Variants in DMD observed in about 807,000 individuals in gnomAD.
DMD encodes dystrophin.
Under a neutral mutation model 330.1 loss-of-function variants are expected in DMD, and 63 were observed. The ratio of observed to expected loss-of-function variants is 0.19; its 90% CI spans 0.16 to 0.24. The LOEUF (loss-of-function observed/expected upper bound fraction) is 0.24. Among genes scored for constraint, DMD ranks in the 10% least tolerant of loss-of-function variants. The pLI is 1.00. For missense variants in DMD, 3,344 were observed against 2,684.1 expected (o/e 1.25, Z -5.43); for synonymous variants, 1,223 against 959.8 (o/e 1.27, Z -5.07).
At chrX:32,769,860 A>T (rs2073414489) in intron 7 of DMD, among the ~76,000 whole-genome samples, 1 of 111,336 alleles carries the variant, frequency 9.0e-6, no homozygotes, top group Non-Finnish European at 1.9e-5. Context: ...ATGACATTTT[A>T]TCTTTGAAAT....
chrX:31,880,154 A>G (rs1397711399), intron 47 of DMD, among the ~76,000 whole-genome samples: 3 of 112,406 alleles, frequency 2.7e-5, no homozygotes, highest in Non-Finnish European at 5.6e-5. Context: ...ACATATTAAG[A>G]TGGATTTCAT....
chrX:33,259,850 T>C (rs891490999), intron 1 of DMD, among the ~76,000 whole-genome samples: 3 of 110,042 alleles, frequency 2.7e-5, no homozygotes, highest in East Asian at 2.9e-4. Context: ...CTTAGTAATA[T>C]GCACTTACAG....
At chrX:31,842,865 G>A (rs1324543163) in intron 48 of DMD, among the ~76,000 whole-genome samples, 1 of 110,997 alleles carries the variant, frequency 9.0e-6, no homozygotes, top group Non-Finnish European at 1.9e-5. Context: ...TTCAACTCTT[G>A]CCCCTTCCTT....
intron 4 of DMD, among the ~76,000 whole-genome samples, chrX:32,843,167 T>A (rs2080326558): frequency 8.9e-6 from 1 of 111,846 alleles, no homozygotes; most frequent in Non-Finnish European, 1.9e-5. Flanking sequence ...TTTGTTTTTT[T>A]AAATGACATT....
At chrX:32,493,870 T>C (rs1231496283) in intron 19 of DMD, among the ~76,000 whole-genome samples, 1 of 110,770 alleles carries the variant, frequency 9.0e-6, no homozygotes, top group Non-Finnish European at 1.9e-5. Context: ...CCATGAAGGG[T>C]GAAACGTCAA....
At chrX:33,249,729 G>A (rs948956516) in intron 1 of DMD, among the ~76,000 whole-genome samples, 2 of 110,824 alleles carry the variant, frequency 1.8e-5, no homozygotes, top group African/African-American at 6.6e-5. Context: ...CCCAAATGAA[G>A]TAACACAGTT....
At chrX:33,149,045 T>TG (rs748644504) in intron 1 of DMD, among the ~76,000 whole-genome samples, 75 of 109,972 alleles carry the variant, frequency 6.8e-4, no homozygotes, top group African/African-American at 2.2e-3. Context: ...CTGGGGTTAG[T>TG]GGGGGGGAGG....
chrX:32,628,258 ATTTTTTTTTTTTTTTTT>A lies in DMD; in HGVS notation c.1332-13822_1332-13806del, dbSNP rs1170760390. On this transcript the variant is annotated intron_variant, in intron 11 of 78. Coordinates refer to ENST00000357033, the MANE Select transcript of DMD (RefSeq NM_004006.3). ...TATCTCCATGAGTTCAGTTGTTTTA[ATTTTTTTTTTTTTTTTT>A]TTTTTTTTTTTTTTTTTTTTAAGCT... is the stretch of plus-strand genomic sequence containing the variant. Among the ~76,000 whole-genome samples, 54 of 15,355 alleles carry A rather than the reference ATTTTTTTTTTTTTTTTT, an allele frequency of 3.5e-3. 1 individual carries two copies. The highest frequency in any genetic ancestry group is 8.2e-3 in the South Asian group (2 of 243). The allele number at this position is 15,355 out of a possible 115,157, so 13.3% of individuals were successfully genotyped here. A position where few individuals can be genotyped will look rare whatever the true frequency, so the allele number is the denominator to read the frequency against.
intron 47 of DMD, among the ~76,000 whole-genome samples, chrX:31,907,188 C>T (rs1300747843): frequency 9.0e-6 from 1 of 111,208 alleles, no homozygotes; most frequent in African/African-American, 3.3e-5. Context: ...GATTCCAGGA[C>T]ACATCAACAG....
At chrX:32,567,860 ATTT>A (rs200845285) in intron 15 of DMD, among the ~76,000 whole-genome samples, 6 of 111,566 alleles carry the variant, frequency 5.4e-5, no homozygotes, top group African/African-American at 2.0e-4. Flanking sequence ...TTATAGTGTC[ATTT>A]TTTTTCTTTA....
intron 49 of DMD, among the ~76,000 whole-genome samples, chrX:31,826,331 A>G (rs1350474): frequency 0.38 from 41,753 of 111,146 alleles, 5,911 homozygotes; most frequent in African/African-American, 0.51. Context: ...TCAGAACTGT[A>G]TAATTTCCAA....
In DMD at chrX:32,411,258, G is replaced by A. The variant is rs780588715; in HGVS notation, c.4233+494C>T. Among the ~76,000 whole-genome samples, 7 of 111,136 alleles carry A rather than the reference G, an allele frequency of 6.3e-5. No homozygotes were observed. The South Asian group carries it at 2.7e-3, about 42-fold the overall frequency. On this transcript the variant is annotated intron_variant, in intron 30 of 78. Coordinates refer to ENST00000357033, the MANE Select transcript of DMD (RefSeq NM_004006.3). ...TGATTCTCCTGCCTCAGCCTCCCGA[G>A]TAGCTGGGATTACAGGCGCGTGCCA...
At chrX:31,958,712 A>T (rs1218531609) in intron 45 of DMD, among the ~76,000 whole-genome samples, 1 of 111,899 alleles carries the variant, frequency 8.9e-6, no homozygotes, top group African/African-American at 3.3e-5. Flanking sequence ...AAGGTACCTT[A>T]TTGAGAAGCA....
chrX:32,898,825 C>T (rs1347447739), intron 2 of DMD, among the ~76,000 whole-genome samples: 5 of 111,174 alleles, frequency 4.5e-5, no homozygotes, highest in Non-Finnish European at 9.4e-5. Context: ...TTCACTTTAT[C>T]CTCTGGGAAT....
At chrX:31,996,024 C>T (rs1049714989) in intron 44 of DMD, among the ~76,000 whole-genome samples, 1 of 112,113 alleles carries the variant, frequency 8.9e-6, no homozygotes, top group African/African-American at 3.2e-5. Context: ...CAAAAAAGGG[C>T]TCTAAGTCCC....
intron 48 of DMD, among the ~76,000 whole-genome samples, chrX:31,843,914 C>T (rs753626491): frequency 1.3e-4 from 12 of 89,232 alleles, no homozygotes; most frequent in Admixed American, 5.6e-4. Flanking sequence ...AGTGCAGTGG[C>T]GCAGTGCAAT....
chrX:32,806,766 A>C (rs1348414552), intron 7 of DMD, among the ~76,000 whole-genome samples: 1 of 110,723 alleles, frequency 9.0e-6, no homozygotes, highest in Non-Finnish European at 1.9e-5. Context: ...AGTGCAAACA[A>C]ATTAGAACTC....
chrX:32,838,155 C>T (rs1181883606), intron 4 of DMD, among the ~76,000 whole-genome samples: 1 of 111,489 alleles, frequency 9.0e-6, no homozygotes, highest in South Asian at 3.7e-4. Context: ...TTCTACTGTG[C>T]GATACGTTTT....
chrX:32,336,884 G>C (rs1267415598), intron 41 of DMD, among the ~76,000 whole-genome samples: 2 of 111,745 alleles, frequency 1.8e-5, no homozygotes, highest in East Asian at 5.6e-4. Flanking sequence ...TAGCAGAAGA[G>C]CAAAAAGGGA....
Sources: allele counts gnomAD v4.1 joint callset (sites outside exome capture counted in the v4.1 genomes callset), GRCh38; gene constraint gnomAD v4.1.1; transcripts MANE v1.5; gene names NCBI Gene and HGNC (gene_info 2026-07-23, HGNC 2026-07-21).